AMN: variants seen among roughly 807,000 people sequenced by gnomAD.
AMN encodes amnion associated transmembrane protein.
Under a neutral mutation model 49.1 loss-of-function variants are expected in AMN, and 40 were observed. The observed-to-expected ratio is 0.81, with a 90% CI of 0.63 to 1.06. AMN has a LOEUF of 1.06. Ranked by LOEUF, AMN falls within the 50% of genes least tolerant of loss-of-function variation. The pLI is 0.00. For synonymous variants in AMN, 380 were observed against 313.3 expected (o/e 1.21, Z -2.25); for missense variants, 701 against 662.8 (o/e 1.06, Z -0.63).
rs1244962431 is a variant in AMN, at chr14:102,930,508, G to A, written c.1257+15G>A. 6.5e-7 allele frequency: 1 copy of A among 1,538,814 alleles called. No homozygotes were observed. Among genetic ancestry groups the A allele is most frequent in the Non-Finnish European group, 8.7e-7 (1 of 1,143,666 alleles). On this transcript the variant is annotated intron_variant, in intron 11 of 11. Transcript: ENST00000299155. ...CCGAGGAGCTGGTGAGGGGGCTGGAGGGGGGACCGGGGCCTCCTCGGGGCC... is the reference window on the plus strand; with the variant it reads ...CCGAGGAGCTGGTGAGGGGGCTGGAAGGGGGACCGGGGCCTCCTCGGGGCC...
rs552595670 is a variant in AMN at position 102,928,759 on chromosome 14, C to T, written c.297C>T (p.Gly99=). ...DVGSHLDCGA[G]EPAVFRDSDR... ...GCTCAGGGATGTGCTCCGGCTCAGG[C>T]GAACCTGCCGTCTTCCGCGACTCTG... is the stretch of plus-strand genomic sequence containing the variant. Residue 99 remains glycine (G), a splice_region_variant and synonymous_variant, in exon 5 of 12, where the codon GGC becomes GGT. Coordinates refer to ENST00000299155, the MANE Select transcript of AMN (RefSeq NM_030943.4). 1 of 1,607,148 alleles carries T rather than the reference C, an allele frequency of 6.2e-7. No homozygotes were observed. The highest frequency in any genetic ancestry group is 1.7e-5 in the Admixed American group (1 of 59,920).
chr14:102,929,747 C>A lies in AMN; in HGVS notation c.843+10C>A, dbSNP rs1472691977. 4.5e-6 allele frequency: 7 copies of A among 1,549,594 alleles called. No individual in the cohort carries two copies. In the South Asian group the frequency reaches 8.3e-5, roughly 18 times the overall value. On this transcript the variant is annotated intron_variant, in intron 8 of 11. Coordinates refer to ENST00000299155, the MANE Select transcript of AMN (RefSeq NM_030943.4). ...CACCTTCCTGGGTCTGGTAATGGGGCCGCGCGGGCAGCTGAGGGGAGTCCC... is the reference window on the plus strand; with the variant it reads ...CACCTTCCTGGGTCTGGTAATGGGGACGCGCGGGCAGCTGAGGGGAGTCCC...
chr14:102,928,389 C>T (rs771420968), intron 3 of AMN, 37 bp from the exon 4 acceptor site: 3 of 1,547,008 alleles, frequency 1.9e-6, no homozygotes, highest in Non-Finnish European at 2.6e-6. Context: ...AGGCCCGGAC[C>T]CCCGCGTGGC....
chr14:102,924,629 G>C (rs1451971908), intron 3 of AMN, among the ~76,000 whole-genome samples: 1 of 152,192 alleles, frequency 6.6e-6, no homozygotes, highest in African/African-American at 2.4e-5. Flanking sequence ...AAAAAGGTTG[G>C]GGACTGCTGC....
rs994868760 is a variant in AMN, at chr14:102,930,215, G to C, written c.1057G>C (p.Val353Leu). ...EATMRESGAH[V>L]WGSSAAGLAG... Reference sequence around the variant, plus strand: ...GACCATGCGGGAGTCGGGCGCACACGTCTGGGGCAGCTCCGCGGCTGGGCT... The same window carrying C: ...GACCATGCGGGAGTCGGGCGCACACCTCTGGGGCAGCTCCGCGGCTGGGCT... The change falls in exon 10 of 12, where the codon GTC becomes CTC. Residue 353 changes from valine to leucine, a missense_variant. Physicochemically the swap from Val to Leu is conservative, Grantham distance 32. Coordinates refer to ENST00000299155, the MANE Select transcript of AMN (RefSeq NM_030943.4). 9.8e-6 allele frequency: 14 copies of C among 1,435,692 alleles called. No individual in the cohort carries two copies. Among genetic ancestry groups the C allele is most frequent in the Non-Finnish European group, 1.2e-5 (13 of 1,098,622 alleles). 88.9% of individuals were successfully genotyped at this position (1,435,692 alleles called of 1,614,324 possible).
chr14:102,928,636 A>C, intron 4 of AMN, 122 bp from the exon 5 acceptor site: 2 of 1,485,836 alleles, frequency 1.3e-6, no homozygotes, highest in Non-Finnish European at 1.8e-6. Flanking sequence ...TGGTTTAGGG[A>C]GTGGCGGAAG....
In AMN at chr14:102,928,911, T is replaced by C; in HGVS notation, c.449T>C (p.Phe150Ser). 1 of 1,602,548 alleles carries C rather than the reference T, an allele frequency of 6.2e-7. No homozygotes were observed. The highest frequency in any genetic ancestry group is 1.7e-4 in the Middle Eastern group (1 of 6,060). ...GTCTTCTTTCCGCCTAGTGCCTCCT[T>C]CCGCGTGGGGCTCGGCCCTGGCGCT... ...DDVFFPPSAS[F>S]RVGLGPGASP... The change falls in exon 5 of 12, where the codon TTC becomes TCC. Residue 150 changes from phenylalanine to serine, a missense_variant. Phe to Ser is a radical substitution (Grantham distance 155). Transcript: ENST00000299155.
chr14:102,930,552 C>T (rs1891325393), intron 11 of AMN, 24 bp from the exon 12 acceptor site: 5 of 1,553,728 alleles, frequency 3.2e-6, no homozygotes, highest in East Asian at 4.9e-5. Context: ...GCGCCGACCG[C>T]CGCCTGACCC....
Position 102,928,424 on chromosome 14 carries a change from A to G in AMN, c.208-2A>G, listed in dbSNP as rs386834170. 59 of 1,596,518 alleles carry G rather than the reference A, an allele frequency of 3.7e-5. No homozygotes were observed. The highest frequency in any genetic ancestry group is 4.7e-5 in the Non-Finnish European group (55 of 1,173,270). ...CGCCGCCTCAGCCCGTGTCTCTTGC[A>G]GCTCCTGCCGCTGGATGGGGAACTC... On this transcript the variant is annotated splice_acceptor_variant, in intron 3 of 11. Transcript: ENST00000299155. LOFTEE classifies it high-confidence loss of function.
rs745453133 is a variant in AMN, at chr14:102,928,720, G to A, written c.296-38G>A. 3.1e-6 allele frequency: 5 copies of A among 1,590,718 alleles called. No individual in the cohort carries two copies. The African/African-American group carries it at 4.0e-5, about 13-fold the overall frequency. ...GTGGCGTGGCGTGGTGTGGCGCGGCGCTTGTTCCGTGGAGCTCAGGGATGT... is the reference window on the plus strand; with the variant it reads ...GTGGCGTGGCGTGGTGTGGCGCGGCACTTGTTCCGTGGAGCTCAGGGATGT... On this transcript the variant is annotated intron_variant, in intron 4 of 11. Transcript: ENST00000299155.
In AMN at chr14:102,929,464, CT is replaced by C. The variant is rs1388771883; in HGVS notation, c.689del (p.Leu230ArgfsTer30). 4 of 1,531,316 alleles carry C rather than the reference CT, an allele frequency of 2.6e-6. No homozygotes were observed. Among genetic ancestry groups the C allele is most frequent in the Non-Finnish European group, 3.5e-6 (4 of 1,145,220 alleles). 94.9% of individuals were successfully genotyped at this position (1,531,316 alleles called of 1,614,324 possible). On this transcript the variant is annotated frameshift_variant, in exon 7 of 12. Coordinates refer to ENST00000299155, the MANE Select transcript of AMN (RefSeq NM_030943.4). LOFTEE classifies it high-confidence loss of function. ...GATCTGCGCGGCCCTGCTCCAGCCC[CT>C]GGGCGGCCGCTGCCCCCAGGCCGCC... ...PWICAALLQP[L>X]GGRCPQAACH... is the part of the protein sequence containing the mutation.
Position 102,929,233 on chromosome 14 carries a change from C to G in AMN, c.626C>G (p.Ser209Trp). 1.3e-6 allele frequency: 2 copies of G among 1,521,398 alleles called. No individual in the cohort carries two copies. Among genetic ancestry groups the G allele is most frequent in the Non-Finnish European group, 1.7e-6 (2 of 1,144,960 alleles). The allele number at this position is 1,521,398 out of a possible 1,614,324, so 94.2% of individuals were successfully genotyped here. A position where few individuals can be genotyped will look rare whatever the true frequency, so the allele number is the denominator to read the frequency against. ...GGCCCCGAGGACTGCGCGGACCCGT[C>G]GGGCTGCGTCTGCGGCAACGCGGAG... The part of the protein sequence containing the change: ...SVGPEDCADP[S>W]GCVCGNAEAQ... The change falls in exon 6 of 12, where the codon TCG (serine) becomes TGG (tryptophan). Residue 209 changes from serine (S) to tryptophan (W), a missense_variant. Coordinates refer to ENST00000299155, the MANE Select transcript of AMN (RefSeq NM_030943.4).
chr14:102,926,937 G>GCT (rs145393611), intron 3 of AMN, among the ~76,000 whole-genome samples: 4,833 of 152,222 alleles, frequency 0.032, 276 homozygotes, highest in African/African-American at 0.11. Context: ...TGTTGCCCAG[G>GCT]CTGGAGTGCA....
intron 3 of AMN, among the ~76,000 whole-genome samples, 190 bp downstream of exon 3, chr14:102,924,169 C>T (rs1891135375): frequency 6.6e-6 from 1 of 152,092 alleles, no homozygotes; most frequent in Admixed American, 6.5e-5. Context: ...GTCCCATGGT[C>T]CCAGCCAGGC....
chr14:102,929,624 C>T (rs954905847), intron 7 of AMN, 31 bp from the exon 8 acceptor site: 2 of 1,548,110 alleles, frequency 1.3e-6, no homozygotes, highest in African/African-American at 1.4e-5. Context: ...GGCCCGGATC[C>T]ACGGCGCTGA....
At position 102,930,780 on chromosome 14, in the gene AMN, C is replaced by G; in HGVS notation, c.*100C>G. On this transcript the variant is annotated 3_prime_UTR_variant, in exon 12 of 12. Coordinates refer to ENST00000299155, the MANE Select transcript of AMN (RefSeq NM_030943.4). ...TCGTCCAGCCCCCAAACCTCCCCTTCCTTTCCCCCTCCTCCGGGGGCCAAG... is the reference window on the plus strand; with the variant it reads ...TCGTCCAGCCCCCAAACCTCCCCTTGCTTTCCCCCTCCTCCGGGGGCCAAG... 1.5e-6 allele frequency: 2 copies of G among 1,310,536 alleles called. No individual in the cohort carries two copies. 81.2% of individuals were successfully genotyped at this position (1,310,536 alleles called of 1,614,324 possible).
At chr14:102,924,383 G>C (rs1487729285) in intron 3 of AMN, among the ~76,000 whole-genome samples, 1 of 152,140 alleles carries the variant, frequency 6.6e-6, no homozygotes, top group Non-Finnish European at 1.5e-5. Flanking sequence ...TCCCTGGCCT[G>C]TTAGGAAGTG....
intron 1 of AMN, chr14:102,923,298 G>T (rs1209957933): frequency 3.4e-5 from 10 of 293,486 alleles, no homozygotes; most frequent in Non-Finnish European, 6.6e-5. Context: ...AGCTCTTCCC[G>T]GCCCAGGTAG....
Position 102,929,418 on chromosome 14 carries a change from C to T in AMN, c.652-10C>T. On this transcript the variant is annotated splice_polypyrimidine_tract_variant and intron_variant, in intron 6 of 11. Transcript: ENST00000299155. Reference sequence around the variant, plus strand: ...TGGCCCTCCGCGCTGACCACCGCCCCTCGCACCAGGCGCAGCCGTGGATCT... The same window carrying T: ...TGGCCCTCCGCGCTGACCACCGCCCTTCGCACCAGGCGCAGCCGTGGATCT... 1.3e-6 allele frequency: 2 copies of T among 1,530,150 alleles called. No homozygotes were observed. The highest frequency in any genetic ancestry group is 2.0e-5 in the Admixed American group (1 of 50,826). 94.8% of individuals were successfully genotyped at this position (1,530,150 alleles called of 1,614,324 possible). A position where few individuals can be genotyped will look rare whatever the true frequency, so the allele number is the denominator to read the frequency against.
Sources: allele counts gnomAD v4.1 joint callset (sites outside exome capture counted in the v4.1 genomes callset), GRCh38; gene constraint gnomAD v4.1.1; transcripts MANE v1.5; gene names NCBI Gene and HGNC (gene_info 2026-07-23, HGNC 2026-07-21).